Variants in MAML2 observed in about 807,000 individuals in gnomAD.
The protein encoded by MAML2 is mastermind-like protein 2.
MAML2 carries 22 observed loss-of-function variants against 96.1 expected under a neutral mutation model. That is an observed-to-expected ratio of 0.23 (90% CI 0.16 to 0.33). The LOEUF is 0.33. Among genes scored for constraint, MAML2 ranks in the 10% least tolerant of loss-of-function variants. MAML2 has a pLI of 1.00. For synonymous variants in MAML2, 561 were observed against 521.3 expected, an observed-to-expected ratio of 1.08 and a Z score of -1.04; for missense variants, 1,367 against 1,392.4, an observed-to-expected ratio of 0.98 and a Z score of 0.29.
chr11:96,048,520 T>C (rs1858942043), intron 2 of MAML2, among the ~76,000 whole-genome samples: 1 of 152,178 alleles, frequency 6.6e-6, no homozygotes. Context: ...TTTTAACACA[T>C]ATAGGTAATT....
In MAML2 at chr11:96,093,534, A is replaced by T. The variant is rs1333896811; in HGVS notation, c.514-17T>A. ...ACCCTGGAGCTGAAAGACAGAAGGG[A>T]ATAAAAAGGAAAAATAAGAAATATG... On this transcript the variant is annotated splice_polypyrimidine_tract_variant and intron_variant, in intron 1 of 4. Transcript: ENST00000524717. 1 of 1,499,316 alleles carries T rather than the reference A, an allele frequency of 6.7e-7. No individual in the cohort carries two copies. Among genetic ancestry groups the T allele is most frequent in the Non-Finnish European group, 9.0e-7 (1 of 1,106,340 alleles). The allele number at this position is 1,499,316 out of a possible 1,614,324, so 92.9% of individuals were successfully genotyped here. A position where few individuals can be genotyped will look rare whatever the true frequency, so the allele number is the denominator to read the frequency against.
chr11:96,004,750 C>T (rs894400904), intron 2 of MAML2, among the ~76,000 whole-genome samples: 3 of 152,108 alleles, frequency 2.0e-5, no homozygotes, highest in Admixed American at 1.3e-4. Context: ...ATAATAGTGC[C>T]TTCCTCATGG....
Position 95,978,802 on chromosome 11 carries a change from T to A in MAML2, c.*146A>T. 1.4e-6 allele frequency: 1 copy of A among 726,936 alleles called. No homozygotes were observed. Among genetic ancestry groups the A allele is most frequent in the Non-Finnish European group, 2.2e-6 (1 of 459,538 alleles). The allele number at this position is 726,936 out of a possible 1,614,324, so 45.0% of individuals were successfully genotyped here. A position where few individuals can be genotyped will look rare whatever the true frequency, so the allele number is the denominator to read the frequency against. ...ACAAGAATTTGGACCAAAATGTTCA[T>A]CACTGCAGTTACTTTCTGCTTTCCA... On this transcript the variant is annotated 3_prime_UTR_variant, in exon 5 of 5. Transcript: ENST00000524717.
intron 1 of MAML2, among the ~76,000 whole-genome samples, chr11:96,308,808 G>C (rs901045485): frequency 6.6e-6 from 1 of 152,154 alleles, no homozygotes; most frequent in Non-Finnish European, 1.5e-5. Flanking sequence ...TAAAGACCTT[G>C]AAGCTGGGGA....
chr11:96,154,838 G>T (rs922005398), intron 1 of MAML2, among the ~76,000 whole-genome samples: 7 of 152,220 alleles, frequency 4.6e-5, no homozygotes, highest in African/African-American at 1.7e-4. Flanking sequence ...TCCTAAAGGT[G>T]CCAGGTAAGA....
intron 1 of MAML2, among the ~76,000 whole-genome samples, chr11:96,130,162 T>C (rs1860522237): frequency 6.6e-6 from 1 of 152,204 alleles, no homozygotes; most frequent in Non-Finnish European, 1.5e-5. Flanking sequence ...GCATTTGCTG[T>C]GTGTGTGGGT....
chr11:96,199,196 CAAAAAAAAAAA>C lies in MAML2; in HGVS notation c.514-105690_514-105680del, dbSNP rs71459791. On this transcript the variant is annotated intron_variant, in intron 1 of 4. Transcript: ENST00000524717. ...TGGGCAACAGAGCAAGCCTCCGTCT[CAAAAAAAAAAA>C]AAAAAAAAAAAAAAAGAGAGGGGTA... Among the ~76,000 whole-genome samples, 9 of 58,614 alleles carry C rather than the reference CAAAAAAAAAAA, an allele frequency of 1.5e-4. No homozygotes were observed. The South Asian group carries it at 2.4e-3, about 16-fold the overall frequency. 38.5% of individuals were successfully genotyped at this position (58,614 alleles called of 152,430 possible). A position where few individuals can be genotyped will look rare whatever the true frequency, so the allele number is the denominator to read the frequency against.
At chr11:96,015,148 G>A (rs1053077626) in intron 2 of MAML2, among the ~76,000 whole-genome samples, 5 of 152,228 alleles carry the variant, frequency 3.3e-5, no homozygotes, top group South Asian at 2.1e-4. Flanking sequence ...CATAATATCC[G>A]AAAAGAAATA....
chr11:96,220,098 C>T (rs531239346), intron 1 of MAML2, among the ~76,000 whole-genome samples: 1 of 152,158 alleles, frequency 6.6e-6, no homozygotes, highest in Admixed American at 6.5e-5. Context: ...TTTTAATCTC[C>T]CACAGTGTCC....
chr11:96,144,023 G>A (rs1008577025), intron 1 of MAML2, among the ~76,000 whole-genome samples: 1 of 152,216 alleles, frequency 6.6e-6, no homozygotes. Flanking sequence ...AGGTCTGGTA[G>A]AGAATGAAGG....
chr11:96,320,734 CA>C (rs926741306), intron 1 of MAML2, among the ~76,000 whole-genome samples: 6 of 152,134 alleles, frequency 3.9e-5, no homozygotes, highest in Admixed American at 3.3e-4. Context: ...CCTGGAAAAA[CA>C]GCCAGCATTT....
At chr11:96,046,145 G>T (rs983555129) in intron 2 of MAML2, among the ~76,000 whole-genome samples, 2 of 152,114 alleles carry the variant, frequency 1.3e-5, no homozygotes, top group Non-Finnish European at 2.9e-5. Flanking sequence ...AGAGAGGGGA[G>T]CAGGCAGGGG....
intron 2 of MAML2, among the ~76,000 whole-genome samples, chr11:96,060,388 T>A (rs1351155914): frequency 6.6e-6 from 1 of 152,198 alleles, no homozygotes; most frequent in Non-Finnish European, 1.5e-5. Flanking sequence ...TTCCTCAATT[T>A]ACAATTTTTT....
chr11:96,092,489 C>T lies in MAML2; in HGVS notation c.1542G>A (p.Met514Ile), dbSNP rs779962894. ...CCTGGGCTGAGGGGCCGGCCTTGTACATGTAGTTAGCCATTACTTTCGACT... is the reference window on the plus strand; with the variant it reads ...CCTGGGCTGAGGGGCCGGCCTTGTATATGTAGTTAGCCATTACTTTCGACT... ...SGQSKVMANY[M>I]YKAGPSAQGG... Residue 514 changes from methionine (M) to isoleucine (I), a missense_variant, in exon 2 of 5, where the codon ATG becomes ATA. Transcript: ENST00000524717. This position sits in a 1 kb window ranked among gnomAD's most constrained non-coding sequence, Gnocchi z 4.1. 1 of 1,604,906 alleles carries T rather than the reference C, an allele frequency of 6.2e-7. No homozygotes were observed. The highest frequency in any genetic ancestry group is 1.1e-5 in the South Asian group (1 of 89,688).
chr11:96,002,537 AGAT>A (rs147518510), intron 2 of MAML2, among the ~76,000 whole-genome samples: 10,157 of 143,948 alleles, frequency 0.071, 686 homozygotes, highest in African/African-American at 0.19. Flanking sequence ...GGGCTGATGA[AGAT>A]GATGATGGGG....
chr11:95,985,787 T>C, intron 3 of MAML2, 145 bp from the exon 4 acceptor site: 1 of 559,132 alleles, frequency 1.8e-6, no homozygotes, highest in Non-Finnish European at 3.1e-6. Flanking sequence ...TTTGTAGTCT[T>C]AATTCAGAGA....
At chr11:96,001,522 C>A (rs1444922114) in intron 2 of MAML2, among the ~76,000 whole-genome samples, 3 of 152,108 alleles carry the variant, frequency 2.0e-5, no homozygotes, top group African/African-American at 4.8e-5. Flanking sequence ...TCTGCATCTC[C>A]TCCCATCCCC....
chr11:96,288,652 C>T (rs1231613646), intron 1 of MAML2, among the ~76,000 whole-genome samples: 3 of 151,862 alleles, frequency 2.0e-5, no homozygotes, highest in Admixed American at 6.6e-5. Flanking sequence ...TTATTATTCA[C>T]GTAATATTAA....
intron 1 of MAML2, among the ~76,000 whole-genome samples, chr11:96,181,966 T>C (rs2135911449): frequency 6.6e-6 from 1 of 152,352 alleles, no homozygotes; most frequent in African/African-American, 2.4e-5. Context: ...TGTCTCATCT[T>C]GGCTCCCTTA....
Sources: allele counts gnomAD v4.1 joint callset (sites outside exome capture counted in the v4.1 genomes callset), GRCh38; gene constraint gnomAD v4.1.1; non-coding constraint Gnocchi (gnomAD v3.1); transcripts MANE v1.5; gene names NCBI Gene and HGNC (gene_info 2026-07-23, HGNC 2026-07-21).